Variants in ALKAL1 observed in about 807,000 individuals in gnomAD.
ALKAL1 encodes ALK and LTK ligand 1.
A neutral mutation model predicts 13.5 loss-of-function variants in ALKAL1; 23 were observed. The observed-to-expected ratio is 1.70, with a 90% CI of 1.23 to 2.41. The LOEUF (loss-of-function observed/expected upper bound fraction) is 2.41. ALKAL1 is among the 30% of genes most tolerant of loss of function. The pLI, the probability that ALKAL1 is intolerant of heterozygous loss-of-function variation, is 0.00. For missense variants in ALKAL1, 181 were observed against 178.4 expected (o/e 1.01, Z -0.08); for synonymous variants, 85 against 77.7 (o/e 1.09, Z -0.49).
Position 52,553,535 on chromosome 8 carries a change from C to A in ALKAL1, c.191-11090G>T, listed in dbSNP as rs149146667. ...TTGCCTTCTCAGCCAAAGTAAAATT[C>A]TGTGTCCAGCCAGACCGCCAAAGAT... On this transcript the variant is annotated intron_variant, in intron 1 of 4. Coordinates refer to ENST00000358543, the MANE Select transcript of ALKAL1 (RefSeq NM_207413.4). Among the ~76,000 whole-genome samples, 22 of 152,314 alleles carry A rather than the reference C, an allele frequency of 1.4e-4. No individual in the cohort carries two copies. The East Asian group carries it at 4.2e-3, about 29-fold the overall frequency.
intron 1 of ALKAL1, among the ~76,000 whole-genome samples, chr8:52,546,177 G>T (rs1192357776): frequency 6.6e-6 from 1 of 152,206 alleles, no homozygotes; most frequent in Non-Finnish European, 1.5e-5. Flanking sequence ...TAACTGTATT[G>T]ACTAGCACTG....
intron 4 of ALKAL1, among the ~76,000 whole-genome samples, chr8:52,535,472 C>A (rs1422736692): frequency 2.1e-5 from 3 of 144,542 alleles, no homozygotes; most frequent in Non-Finnish European, 4.5e-5. Context: ...GATCACTGGA[C>A]CCTGGGAGGT....
chr8:52,538,107 T>C (rs1313523949), intron 4 of ALKAL1, among the ~76,000 whole-genome samples: 1 of 144,100 alleles, frequency 6.9e-6, no homozygotes, highest in African/African-American at 2.6e-5. Context: ...AAAAAAAGGC[T>C]AAAGAGGAGT....
chr8:52,544,416 G>A (rs1847346036), intron 1 of ALKAL1, among the ~76,000 whole-genome samples: 1 of 152,208 alleles, frequency 6.6e-6, no homozygotes, highest in South Asian at 2.1e-4. Context: ...GCGTGTTCAA[G>A]TATTGGGGGA....
intron 1 of ALKAL1, among the ~76,000 whole-genome samples, chr8:52,561,676 A>C (rs1372430093): frequency 6.6e-6 from 1 of 152,138 alleles, no homozygotes; most frequent in East Asian, 1.9e-4. Context: ...CCAGGAAGAG[A>C]CCAGCCCCAT....
intron 1 of ALKAL1, among the ~76,000 whole-genome samples, chr8:52,564,496 G>C (rs541010982): frequency 6.6e-6 from 1 of 152,222 alleles, no homozygotes; most frequent in Admixed American, 6.5e-5. Context: ...TAAGTAGCAG[G>C]AACCTGACTG....
intron 1 of ALKAL1, among the ~76,000 whole-genome samples, chr8:52,547,308 AC>A (rs1847379961): frequency 6.6e-6 from 1 of 151,300 alleles, no homozygotes; most frequent in Non-Finnish European, 1.5e-5. Flanking sequence ...GACCAGCCTG[AC>A]CAACATGGCG....
chr8:52,561,906 T>A (rs544061458), intron 1 of ALKAL1, among the ~76,000 whole-genome samples: 4 of 152,290 alleles, frequency 2.6e-5, no homozygotes, highest in African/African-American at 7.2e-5. Context: ...ATCATATACA[T>A]CAATAGTTGC....
At chr8:52,548,738 A>T (rs533743720) in intron 1 of ALKAL1, among the ~76,000 whole-genome samples, 1 of 152,186 alleles carries the variant, frequency 6.6e-6, no homozygotes, top group Admixed American at 6.5e-5. Flanking sequence ...CATGATCATT[A>T]TCTTGGAACA....
At chr8:52,539,195 C>G (rs1412251464) in intron 3 of ALKAL1, among the ~76,000 whole-genome samples, 2 of 152,032 alleles carry the variant, frequency 1.3e-5, no homozygotes, top group Non-Finnish European at 2.9e-5. Context: ...TAAAAAGAAA[C>G]AAAATGCTTA....
chr8:52,536,998 A>C (rs1004590333), intron 4 of ALKAL1, among the ~76,000 whole-genome samples: 1 of 152,332 alleles, frequency 6.6e-6, no homozygotes, highest in East Asian at 1.9e-4. Flanking sequence ...GACATTATTC[A>C]AACATTTTCT....
At chr8:52,543,763 G>C (rs984736991) in intron 1 of ALKAL1, among the ~76,000 whole-genome samples, 1 of 152,090 alleles carries the variant, frequency 6.6e-6, no homozygotes. Flanking sequence ...CAATATTTGG[G>C]CCAGGTAGTT....
intron 1 of ALKAL1, among the ~76,000 whole-genome samples, chr8:52,550,268 T>G (rs1454580894): frequency 6.6e-6 from 1 of 152,234 alleles, no homozygotes; most frequent in Non-Finnish European, 1.5e-5. Context: ...TATTATCTTC[T>G]AAATTTTTGC....
intron 1 of ALKAL1, among the ~76,000 whole-genome samples, chr8:52,548,208 G>A (rs1000284729): frequency 1.8e-4 from 28 of 152,162 alleles, no homozygotes; most frequent in Non-Finnish European, 2.9e-4. Flanking sequence ...AACATTAGCC[G>A]GGCATGGTGG....
In ALKAL1 at chr8:52,565,092, C is replaced by G. The variant is rs988111474; in HGVS notation, c.165G>C (p.Arg55=). 1 of 1,408,860 alleles carries G rather than the reference C, an allele frequency of 7.1e-7. No individual in the cohort carries two copies. Among genetic ancestry groups the G allele is most frequent in the East Asian group, 3.0e-5 (1 of 32,840 alleles). 87.3% of individuals were successfully genotyped at this position (1,408,860 alleles called of 1,614,324 possible). ...CTGCGCTCCGGGAGCCGCTGGGAGT[C>G]CGGCCGGCCCCGGCCGCGGGGAGGA... ...LLFLPAAGAG[R]TPSGSRSAEI... Residue 55 remains arginine (R), a synonymous_variant, in exon 1 of 5, where the codon CGG becomes CGC. Coordinates refer to ENST00000358543, the MANE Select transcript of ALKAL1 (RefSeq NM_207413.4).
chr8:52,547,484 A>G (rs1350808329), intron 1 of ALKAL1, among the ~76,000 whole-genome samples: 4 of 152,186 alleles, frequency 2.6e-5, no homozygotes, highest in African/African-American at 9.6e-5. Flanking sequence ...TGGGTGACAG[A>G]GCAAGATTCC....
intron 1 of ALKAL1, among the ~76,000 whole-genome samples, chr8:52,546,423 C>T (rs533112236): frequency 1.8e-4 from 28 of 152,296 alleles, no homozygotes; most frequent in African/African-American, 4.6e-4. Flanking sequence ...AAATAATAGA[C>T]GCTAGGAATA....
rs1254453126 is a variant in ALKAL1, at chr8:52,550,340, C to A, written c.191-7895G>T. On this transcript the variant is annotated intron_variant, in intron 1 of 4. Transcript: ENST00000358543. ...GAGCATGTTAGAAATGCAAACCAAG[C>A]CCAGACTTACAGTCAGACTTTTATT... Among the ~76,000 whole-genome samples the A allele has an allele frequency of 2.0e-5, 3 of 152,164 alleles. No individual in the cohort carries two copies. The East Asian group carries it at 5.8e-4, about 29-fold the overall frequency.
intron 1 of ALKAL1, among the ~76,000 whole-genome samples, chr8:52,560,230 T>A (rs574188622): frequency 1.3e-5 from 2 of 152,298 alleles, no homozygotes; most frequent in Admixed American, 6.5e-5. Context: ...AATAAAATTT[T>A]AATTTTATTA....
Sources: gnomAD v4.1 joint callset for allele counts (sites outside exome capture counted in the v4.1 genomes callset) on GRCh38, gnomAD v4.1.1 for gene constraint, MANE v1.5 for transcripts, NCBI Gene and HGNC (gene_info 2026-07-23, HGNC 2026-07-21) for gene names.